Variants in SSC4D observed in about 807,000 individuals in gnomAD.
The protein encoded by SSC4D is scavenger receptor cysteine-rich domain-containing group B protein.
A neutral mutation model predicts 63.4 loss-of-function variants in SSC4D; 57 were observed. That is an observed-to-expected ratio of 0.90 (90% CI 0.73 to 1.12). SSC4D has a LOEUF of 1.12. Among genes scored for constraint, SSC4D ranks in the 50% most tolerant of loss-of-function variants. The pLI, the probability that SSC4D is intolerant of heterozygous loss-of-function variation, is 0.00. For synonymous variants in SSC4D, 352 were observed against 345.4 expected, an observed-to-expected ratio of 1.02 and a Z score of -0.21; for missense variants, 791 against 806.4, an observed-to-expected ratio of 0.98 and a Z score of 0.23.
chr7:76,393,578 C>T lies in SSC4D; in HGVS notation c.1160G>A (p.Cys387Tyr), dbSNP rs963689839. The T allele has an allele frequency of 2.6e-6, 4 of 1,512,084 alleles. No homozygotes were observed. The highest frequency in any genetic ancestry group is 3.5e-6 in the Non-Finnish European group (4 of 1,136,820). 93.7% of individuals were successfully genotyped at this position (1,512,084 alleles called of 1,614,324 possible). The change falls in exon 9 of 11, where the codon TGC becomes TAC. Residue 387 changes from cysteine (C) to tyrosine (Y), a missense_variant. By Grantham distance (194) the Cys-to-Tyr change is radical. Transcript: ENST00000275560. ...DARVACREAG[C>Y]GPALGATGLG... ...TCCCGTAGCGCCCAGCGCAGGCCCGCAGCCCGCTTCGCGGCAGGCCACGCG... is the reference window on the plus strand; with the variant it reads ...TCCCGTAGCGCCCAGCGCAGGCCCGTAGCCCGCTTCGCGGCAGGCCACGCG...
Position 76,404,344 on chromosome 7 carries a change from G to A in SSC4D, c.96C>T (p.Leu32=), listed in dbSNP as rs1804929027. 2.5e-6 allele frequency: 4 copies of A among 1,612,426 alleles called. No individual in the cohort carries two copies. In the South Asian group the frequency reaches 4.4e-5, roughly 18 times the overall value. The change falls in exon 2 of 11, where the codon CTC becomes CTT. Residue 32 remains leucine, a synonymous_variant. Coordinates refer to ENST00000275560, the MANE Select transcript of SSC4D (RefSeq NM_080744.2). ...LGDGSAAPPF[L]PQALSFLLLL... ...GGAGAAGGAAAGACAGGGCTTGGGG[G>A]AGGAAGGGAGGGGCAGCACTCCCAT...
At chr7:76,404,652 C>T (rs1584032071) in intron 1 of SSC4D, 147 bp from the exon 2 acceptor site, 8 of 641,908 alleles carry the variant, frequency 1.2e-5, no homozygotes, top group East Asian at 6.0e-5. Flanking sequence ...AAAATGAGGC[C>T]GGGTGTGGTG....
At chr7:76,394,249 G>GT (rs993648755) in intron 7 of SSC4D, among the ~76,000 whole-genome samples, 173 of 152,058 alleles carry the variant, frequency 1.1e-3, no homozygotes, top group African/African-American at 2.8e-3. Context: ...TGAAAAAAAA[G>GT]TTTTTTTAAT....
rs369258749 is a variant in SSC4D, at chr7:76,400,580, C to A, written c.181G>T (p.Val61Leu). 14 of 1,475,780 alleles carry A rather than the reference C, an allele frequency of 9.5e-6. No individual in the cohort carries two copies. The African/African-American group carries it at 1.4e-4, about 15-fold the overall frequency. The allele number at this position is 1,475,780 out of a possible 1,614,324, so 91.4% of individuals were successfully genotyped here. ...CCCCGGCAGCGGCTGGGGCCCCCCA[C>A]CAGCCTCAGCTCTGTGAAGAGGGTG... ...TPLPFQELRL[V>L]GGPSRCRGRL... The change falls in exon 4 of 11, where the codon GTG (valine) becomes TTG (leucine). Residue 61 changes from valine (V) to leucine (L), a missense_variant. By Grantham distance (32) the Val-to-Leu change is conservative. Transcript: ENST00000275560.
intron 5 of SSC4D, 139 bp from the exon 6 acceptor site, chr7:76,397,971 G>C: frequency 2.3e-6 from 2 of 871,590 alleles, no homozygotes; most frequent in Non-Finnish European, 3.4e-6. Flanking sequence ...CGCCTCCTTG[G>C]TCCAGACTGG....
rs1805174383 is a variant in SSC4D at position 76,409,480 on chromosome 7, T to C, written c.-133A>G. ...GTCAATCCAAGATCGAATCACTTTG[T>C]CTGCCCCTGGAAGTTTAGGAGGAGG... On this transcript the variant is annotated 5_prime_UTR_variant, in exon 1 of 11. Coordinates refer to ENST00000275560, the MANE Select transcript of SSC4D (RefSeq NM_080744.2). 1 of 152,276 alleles carries C rather than the reference T, an allele frequency of 6.6e-6. No individual in the cohort carries two copies. Among genetic ancestry groups the C allele is most frequent in the Non-Finnish European group, 1.5e-5 (1 of 68,090 alleles). 9.4% of individuals were successfully genotyped at this position (152,276 alleles called of 1,614,324 possible). A position where few individuals can be genotyped will look rare whatever the true frequency, so the allele number is the denominator to read the frequency against.
At chr7:76,393,949 CCTT>C (rs1804570010) in intron 7 of SSC4D, 45 bp from the exon 8 acceptor site, 1 of 1,550,836 alleles carries the variant, frequency 6.4e-7, no homozygotes, top group Non-Finnish European at 8.7e-7. Context: ...GACGAGGAGG[CCTT>C]CTGTCCTGCA....
chr7:76,401,780 GC>G (rs1228528780), intron 2 of SSC4D, among the ~76,000 whole-genome samples: 13 of 152,250 alleles, frequency 8.5e-5, no homozygotes, highest in Non-Finnish European at 1.6e-4. Context: ...GGAGCCCTCA[GC>G]TAGAAGTGCT....
intron 4 of SSC4D, 130 bp from the exon 5 acceptor site, chr7:76,398,927 C>G: frequency 1.2e-6 from 1 of 850,548 alleles, no homozygotes; most frequent in East Asian, 2.5e-5. Context: ...CAAAGAGTCA[C>G]AGCCAGGAAC....
At chr7:76,393,181 C>T (rs1285747561) in intron 9 of SSC4D, among the ~76,000 whole-genome samples, 1 of 152,182 alleles carries the variant, frequency 6.6e-6, no homozygotes, top group South Asian at 2.1e-4. Context: ...GCGGCGCTCA[C>T]CAGGCCCCGC....
intron 1 of SSC4D, among the ~76,000 whole-genome samples, chr7:76,408,879 C>T (rs1805133143): frequency 6.6e-6 from 1 of 152,170 alleles, no homozygotes; most frequent in African/African-American, 2.4e-5. Context: ...CAGCCGGCAG[C>T]CTAACACAGC....
intron 7 of SSC4D, 149 bp downstream of exon 7, chr7:76,395,104 A>C: frequency 1.2e-6 from 1 of 802,818 alleles, no homozygotes; most frequent in Non-Finnish European, 2.0e-6. Flanking sequence ...CCGTCTGCTC[A>C]TAATTGTCTC....
intron 9 of SSC4D, among the ~76,000 whole-genome samples, chr7:76,393,171 G>C (rs1804530480): frequency 6.6e-6 from 1 of 151,904 alleles, no homozygotes; most frequent in South Asian, 2.1e-4. Flanking sequence ...GCTGCACCAC[G>C]CGGCGCTCAC....
intron 4 of SSC4D, among the ~76,000 whole-genome samples, chr7:76,399,719 G>A (rs1804753645): frequency 2.6e-5 from 4 of 151,948 alleles, no homozygotes; most frequent in African/African-American, 7.2e-5. Flanking sequence ...GTAGAGATAA[G>A]GTACTATGTT....
chr7:76,396,793 G>A (rs577564175), intron 6 of SSC4D, among the ~76,000 whole-genome samples: 1 of 152,258 alleles, frequency 6.6e-6, no homozygotes, highest in East Asian at 1.9e-4. Flanking sequence ...TAGCATTATT[G>A]GCCCTATTAT....
intron 1 of SSC4D, among the ~76,000 whole-genome samples, chr7:76,406,532 G>A (rs570930159): frequency 7.9e-5 from 12 of 151,616 alleles, no homozygotes; most frequent in Non-Finnish European, 1.2e-4. Context: ...CACCCAGGCG[G>A]CAGTGCAGTG....
intron 1 of SSC4D, among the ~76,000 whole-genome samples, chr7:76,405,295 A>T (rs1236860228): frequency 2.1e-4 from 10 of 48,460 alleles, no homozygotes; most frequent in African/African-American, 9.5e-4. Context: ...ATATATATAT[A>T]TATATATATA....
rs1355276577 is a variant in SSC4D, at chr7:76,398,755, C to T, written c.518G>A (p.Ser173Asn). Residue 173 changes from serine to asparagine, a missense_variant, in exon 5 of 11, where the codon AGT becomes AAT. Coordinates refer to ENST00000275560, the MANE Select transcript of SSC4D (RefSeq NM_080744.2). ...CGGCAGTGTCGTAGGAGGTGCTCTA[C>T]TGGTTAACATCTTCCTTGTTGGGGG... ...TQPPTRKMLT[S>N]RAPPTTLPNG... The T allele has an allele frequency of 6.2e-7, 1 of 1,613,556 alleles. No individual in the cohort carries two copies. The highest frequency in any genetic ancestry group is 8.5e-7 in the Non-Finnish European group (1 of 1,179,610).
chr7:76,390,380 G>C lies in SSC4D; in HGVS notation c.1412-5C>G, dbSNP rs192608550. Reference sequence around the variant, plus strand: ...CATTGACCAGACGTAGATGCCCTGTGGGGGGACAGGGCTGGGTTGGAAGGG... The same window carrying C: ...CATTGACCAGACGTAGATGCCCTGTCGGGGGACAGGGCTGGGTTGGAAGGG... On this transcript the variant is annotated splice_polypyrimidine_tract_variant and splice_region_variant and intron_variant, in intron 10 of 10. Coordinates refer to ENST00000275560, the MANE Select transcript of SSC4D (RefSeq NM_080744.2). 2.0e-5 allele frequency: 32 copies of C among 1,570,202 alleles called. No individual in the cohort carries two copies. Among genetic ancestry groups the C allele is most frequent in the Admixed American group, 3.5e-5 (2 of 57,190 alleles).
Sources: allele counts gnomAD v4.1 joint callset (sites outside exome capture counted in the v4.1 genomes callset), GRCh38; gene constraint gnomAD v4.1.1; transcripts MANE v1.5; gene names NCBI Gene and HGNC (gene_info 2026-07-23, HGNC 2026-07-21).